Variants in CDH12 observed in about 807,000 individuals in gnomAD.
CDH12 encodes the protein cadherin 12.
In CDH12, 41 loss-of-function variants were observed where a neutral mutation model predicts 74.1. That is an observed-to-expected ratio of 0.55 (90% CI 0.43 to 0.72). The LOEUF (loss-of-function observed/expected upper bound fraction) is 0.72. Among genes scored for constraint, CDH12 ranks in the 30% least tolerant of loss-of-function variants. CDH12 has a pLI of 0.00. For synonymous variants in CDH12, 399 were observed against 355.0 expected, an observed-to-expected ratio of 1.12 and a Z score of -1.39; for missense variants, 945 against 977.2, an observed-to-expected ratio of 0.97 and a Z score of 0.44.
intron 4 of CDH12, among the ~76,000 whole-genome samples, chr5:22,159,948 T>C (rs72742016): frequency 1.3e-5 from 2 of 152,162 alleles, no homozygotes; most frequent in Non-Finnish European, 2.9e-5. Context: ...TGTGTGCCTG[T>C]GTGTGTATGA....
intron 5 of CDH12, among the ~76,000 whole-genome samples, chr5:21,998,465 T>C (rs1160562354): frequency 6.6e-6 from 1 of 152,104 alleles, no homozygotes; most frequent in Non-Finnish European, 1.5e-5. Flanking sequence ...ATGTTGAGTT[T>C]ACGTAGTACA....
At chr5:22,096,310 G>A (rs1245919980) in intron 4 of CDH12, among the ~76,000 whole-genome samples, 5 of 151,800 alleles carry the variant, frequency 3.3e-5, no homozygotes, top group Non-Finnish European at 7.4e-5. Context: ...ATAGGCAAAC[G>A]GTCTGAGGTG....
chr5:22,336,878 T>C (rs764161597), intron 3 of CDH12, among the ~76,000 whole-genome samples: 2 of 152,152 alleles, frequency 1.3e-5, no homozygotes, highest in Non-Finnish European at 2.9e-5. Flanking sequence ...TCAAACCCCA[T>C]AATGGTAGAT....
At chr5:21,985,493 T>C (rs1757475317) in intron 5 of CDH12, among the ~76,000 whole-genome samples, 1 of 152,166 alleles carries the variant, frequency 6.6e-6, no homozygotes, top group Non-Finnish European at 1.5e-5. Context: ...CCATTACCAT[T>C]CTTGAAATCT....
rs1178546849 is a variant in CDH12, at chr5:22,532,375, A to ATATATATATATATATG, written c.-522-27012_-522-27011insCATATATATATATATA. On this transcript the variant is annotated intron_variant, in intron 1 of 14. Coordinates refer to ENST00000382254, the MANE Select transcript of CDH12 (RefSeq NM_004061.5). ...GATATATATATATATATATATATAT[A>ATATATATATATATATG]TATGTATGTATCCTATTTTGCTCCT... 5.3e-5 allele frequency among the ~76,000 whole-genome samples: 4 copies of ATATATATATATATATG among 75,830 alleles called. No individual in the cohort carries two copies. The East Asian group carries it at 2.2e-3, about 41-fold the overall frequency. The allele number at this position is 75,830 out of a possible 152,430, so 49.7% of individuals were successfully genotyped here.
In CDH12 at chr5:21,952,955, G is replaced by A. The variant is rs1418866140; in HGVS notation, c.526+22136C>T. On this transcript the variant is annotated intron_variant, in intron 6 of 14. Transcript: ENST00000382254. ...TTGCCCTAAAATATATTTCTTTGAT[G>A]TGTTTTGAAATGGCTGTTGCAAGGC... 3.3e-5 allele frequency among the ~76,000 whole-genome samples: 5 copies of A among 152,092 alleles called. No individual in the cohort carries two copies. In the East Asian group the frequency reaches 9.6e-4, roughly 29 times the overall value.
intron 6 of CDH12, among the ~76,000 whole-genome samples, chr5:21,866,718 C>T (rs1285784919): frequency 6.6e-6 from 1 of 152,066 alleles, no homozygotes; most frequent in Non-Finnish European, 1.5e-5. Flanking sequence ...AAAGAAAATC[C>T]CATTTTCAGA....
chr5:21,798,489 C>T (rs1043156768), intron 10 of CDH12, among the ~76,000 whole-genome samples: 1 of 152,092 alleles, frequency 6.6e-6, no homozygotes, highest in Non-Finnish European at 1.5e-5. Flanking sequence ...CTCCTGATTA[C>T]TGATTCTCTT....
chr5:22,214,693 C>A (rs1372181833), intron 3 of CDH12, among the ~76,000 whole-genome samples: 1 of 152,116 alleles, frequency 6.6e-6, no homozygotes, highest in African/African-American at 2.4e-5. Flanking sequence ...TTTTCCTGAA[C>A]CCTGCCAGCC....
intron 1 of CDH12, among the ~76,000 whole-genome samples, chr5:22,751,899 C>T (rs1745595372): frequency 6.6e-6 from 1 of 152,058 alleles, no homozygotes; most frequent in African/African-American, 2.4e-5. Context: ...AAGACTAGTG[C>T]TACATAAACA....
At chr5:22,492,710 A>T (rs1261509620) in intron 2 of CDH12, among the ~76,000 whole-genome samples, 8 of 151,976 alleles carry the variant, frequency 5.3e-5, no homozygotes, top group Non-Finnish European at 1.0e-4. Flanking sequence ...CAGTTCTTAT[A>T]TTGGCTTTAT....
At chr5:22,552,669 T>C (rs1449200048) in intron 1 of CDH12, among the ~76,000 whole-genome samples, 1 of 152,098 alleles carries the variant, frequency 6.6e-6, no homozygotes, top group East Asian at 1.9e-4. Context: ...CCTCGTGATC[T>C]GCCCACCTCA....
chr5:22,128,079 C>T (rs1030087273), intron 4 of CDH12, among the ~76,000 whole-genome samples: 3 of 151,956 alleles, frequency 2.0e-5, no homozygotes, highest in Non-Finnish European at 4.4e-5. Context: ...GATGTGTGAG[C>T]CAAAGTTCAT....
At chr5:22,769,689 C>G (rs897518045) in intron 1 of CDH12, among the ~76,000 whole-genome samples, 17 of 152,054 alleles carry the variant, frequency 1.1e-4, no homozygotes, top group African/African-American at 3.9e-4. Context: ...TCTATATTAT[C>G]AGCAAACTTC....
intron 3 of CDH12, among the ~76,000 whole-genome samples, chr5:22,333,384 A>G (rs900067855): frequency 3.9e-5 from 6 of 152,108 alleles, no homozygotes; most frequent in Non-Finnish European, 8.8e-5. Context: ...TAAAACCTAG[A>G]TGATGGGTTG....
chr5:22,308,855 GAGAGAGAGAGAGAGGAGAGAGAGAGAGAA>G, intron 3 of CDH12, among the ~76,000 whole-genome samples: 1 of 116,416 alleles, frequency 8.6e-6, no homozygotes, highest in African/African-American at 3.9e-5. Context: ...CATACACACA[GAGAGAGAGAGAGAGGAGAGAGAGAGAGAA>G]AGAGAGAGAG....
At chr5:22,394,839 A>G (rs1366548092) in intron 3 of CDH12, among the ~76,000 whole-genome samples, 1 of 152,154 alleles carries the variant, frequency 6.6e-6, no homozygotes, top group Non-Finnish European at 1.5e-5. Flanking sequence ...AAGTTAAATT[A>G]TCAATTTTGG....
chr5:21,869,156 T>G (rs1174572008), intron 6 of CDH12, among the ~76,000 whole-genome samples: 1 of 152,174 alleles, frequency 6.6e-6, no homozygotes, highest in Admixed American at 6.5e-5. Flanking sequence ...GGGTGATTGA[T>G]CTAGAATAGT....
chr5:21,853,673 C>T (rs955800029), intron 7 of CDH12, among the ~76,000 whole-genome samples: 1 of 151,556 alleles, frequency 6.6e-6, no homozygotes, highest in East Asian at 1.9e-4. Flanking sequence ...TTTACACATA[C>T]CTCTCAGGAA....
Sources: allele counts gnomAD v4.1 joint callset (sites outside exome capture counted in the v4.1 genomes callset), GRCh38; gene constraint gnomAD v4.1.1; transcripts MANE v1.5; gene names NCBI Gene and HGNC (gene_info 2026-07-23, HGNC 2026-07-21).